Variants in TAF12 observed in about 807,000 individuals in gnomAD.
TAF12 encodes TATA-box binding protein associated factor 12.
A neutral mutation model predicts 20.8 loss-of-function variants in TAF12; 3 were observed. The ratio of observed to expected loss-of-function variants is 0.14; its 90% CI spans 0.07 to 0.37. TAF12 has a LOEUF of 0.37. TAF12 is among the 10% of genes least tolerant of loss of function. TAF12 has a pLI of 1.00. For missense variants in TAF12, 131 were observed against 197.9 expected, an observed-to-expected ratio of 0.66 and a Z score of 2.03; for synonymous variants, 69 against 70.2, an observed-to-expected ratio of 0.98 and a Z score of 0.09.
At chr1:28,611,543 G>A (rs181726311) in intron 4 of TAF12, among the ~76,000 whole-genome samples, 1 of 142,940 alleles carries the variant, frequency 7.0e-6, no homozygotes, top group Admixed American at 6.9e-5. Flanking sequence ...GAAAAGAAGA[G>A]ACACAGAGAC....
intron 1 of TAF12, among the ~76,000 whole-genome samples, chr1:28,632,121 T>G (rs1667650516): frequency 6.6e-6 from 1 of 152,128 alleles, no homozygotes; most frequent in Non-Finnish European, 1.5e-5. Flanking sequence ...TTATGGTATA[T>G]CCATTCAATG....
chr1:28,644,655 T>C (rs1668138587), upstream of TAF12, among the ~76,000 whole-genome samples: 1 of 152,202 alleles, frequency 6.6e-6, no homozygotes, highest in South Asian at 2.1e-4. Context: ...TAGAAGAGAA[T>C]ACTGGAATAA....
intron 1 of TAF12, among the ~76,000 whole-genome samples, chr1:28,637,997 AATTATT>A (rs1292213805): frequency 4.6e-5 from 7 of 151,792 alleles, no homozygotes; most frequent in East Asian, 3.9e-4. Flanking sequence ...TTTTTTGTTT[AATTATT>A]ATTATTATTT....
At chr1:28,637,517 T>A (rs1241204929) in intron 1 of TAF12, among the ~76,000 whole-genome samples, 47 of 151,734 alleles carry the variant, frequency 3.1e-4, no homozygotes, top group Admixed American at 3.1e-3. Context: ...ATACAAAAAA[T>A]AGCCGGGCAT....
At chr1:28,630,295 C>T (rs1667572281) in intron 1 of TAF12, among the ~76,000 whole-genome samples, 1 of 152,120 alleles carries the variant, frequency 6.6e-6, no homozygotes, top group South Asian at 2.1e-4. Context: ...CAGTGGCTCA[C>T]GCCTGTAATT....
chr1:28,603,679 G>A lies in TAF12; in HGVS notation c.451-105C>T, dbSNP rs1412199771. 18 of 1,154,136 alleles carry A rather than the reference G, an allele frequency of 1.6e-5. No homozygotes were observed. The Admixed American group carries it at 2.2e-4, about 14-fold the overall frequency. The allele number at this position is 1,154,136 out of a possible 1,614,324, so 71.5% of individuals were successfully genotyped here. A position where few individuals can be genotyped will look rare whatever the true frequency, so the allele number is the denominator to read the frequency against. ...GGCCTCATGGTCTACACTGTAGGCCGCAGCCCTCAGAGACCTGCAGTCACA... is the reference window on the plus strand; with the variant it reads ...GGCCTCATGGTCTACACTGTAGGCCACAGCCCTCAGAGACCTGCAGTCACA... On this transcript the variant is annotated intron_variant, in intron 5 of 5. Coordinates refer to ENST00000373824, the MANE Select transcript of TAF12 (RefSeq NM_005644.4).
upstream of TAF12, among the ~76,000 whole-genome samples, chr1:28,647,924 C>A (rs894689036): frequency 2.6e-5 from 4 of 151,916 alleles, no homozygotes; most frequent in Non-Finnish European, 4.4e-5. Flanking sequence ...ATCTGAGGTA[C>A]AGTATTTCAT....
At chr1:28,619,948 C>CA (rs879307972) in intron 2 of TAF12, among the ~76,000 whole-genome samples, 175 of 100,944 alleles carry the variant, frequency 1.7e-3, no homozygotes, top group South Asian at 3.5e-3. Flanking sequence ...GACTCTGTCT[C>CA]AAAAAAAAAA....
intron 1 of TAF12, among the ~76,000 whole-genome samples, chr1:28,638,699 T>A (rs1667927673): frequency 6.6e-6 from 1 of 150,900 alleles, no homozygotes; most frequent in Admixed American, 6.6e-5. Context: ...TTGGCCAGGC[T>A]GGTCTCGAAC....
In TAF12 at chr1:28,628,860, G is replaced by A. The variant is rs192940737; in HGVS notation, c.-84-6695C>T. 2.8e-3 allele frequency among the ~76,000 whole-genome samples: 422 copies of A among 152,300 alleles called. 1 individual carries two copies. The highest frequency in any genetic ancestry group is 9.8e-3 in the African/African-American group (409 of 41,570). On this transcript the variant is annotated intron_variant, in intron 1 of 5. Transcript: ENST00000373824. ...GGCCAAGGCAGGCGGATCACCTGAG[G>A]TTGGGAGTTCGAGACCAGCCTGACC... is the stretch of plus-strand genomic sequence containing the variant.
intron 1 of TAF12, among the ~76,000 whole-genome samples, chr1:28,628,530 GTTTC>G (rs1667512148): frequency 6.6e-6 from 1 of 151,872 alleles, no homozygotes; most frequent in African/African-American, 2.4e-5. Flanking sequence ...TGGGTATACG[GTTTC>G]TTTTACGGGA....
intron 1 of TAF12, among the ~76,000 whole-genome samples, chr1:28,632,241 C>T (rs556080227): frequency 6.6e-6 from 1 of 152,234 alleles, no homozygotes; most frequent in South Asian, 2.1e-4. Flanking sequence ...AGTTTGAGAC[C>T]AGCCTGGCCA....
Position 28,603,566 on chromosome 1 carries a change from T to C in TAF12, c.459A>G (p.Ala153=), listed in dbSNP as rs1296670499. 2 of 1,613,788 alleles carry C rather than the reference T, an allele frequency of 1.2e-6. No individual in the cohort carries two copies. The highest frequency in any genetic ancestry group is 8.5e-7 in the Non-Finnish European group (1 of 1,180,038). The change falls in exon 6 of 6, where the codon GCA becomes GCG. Residue 153 remains alanine, a synonymous_variant. Coordinates refer to ENST00000373824, the MANE Select transcript of TAF12 (RefSeq NM_005644.4). The part of the protein sequence containing the change: ...CTTEAHKQRM[A]LIRKTTKK Reference sequence around the variant, plus strand: ...ATTTCTTGGTTGTTTTCCGGATCAATGCCATTCTCTGAAAGGAGAGACAAA... The same window carrying C: ...ATTTCTTGGTTGTTTTCCGGATCAACGCCATTCTCTGAAAGGAGAGACAAA...
At chr1:28,648,154 T>A in intron 1 of TAF12, 2 of 985,334 alleles carry the variant, frequency 2.0e-6, no homozygotes, top group Non-Finnish European at 2.4e-6. Flanking sequence ...AAGTTACACA[T>A]TTTCAATTTG....
At chr1:28,627,490 G>A (rs1570322422) in intron 1 of TAF12, among the ~76,000 whole-genome samples, 1 of 150,964 alleles carries the variant, frequency 6.6e-6, no homozygotes, top group South Asian at 2.1e-4. Flanking sequence ...TCAGGAGATC[G>A]AGACCATCCT....
At chr1:28,614,215 C>T (rs149112075) in intron 3 of TAF12, among the ~76,000 whole-genome samples, 22 of 150,384 alleles carry the variant, frequency 1.5e-4, no homozygotes, top group Middle Eastern at 3.5e-3. Flanking sequence ...TCCAGCCTGG[C>T]GACAGAGCGA....
chr1:28,634,983 T>C (rs1667766515), intron 1 of TAF12, among the ~76,000 whole-genome samples: 2 of 150,920 alleles, frequency 1.3e-5, no homozygotes, highest in South Asian at 2.1e-4. Flanking sequence ...TCCCAGCACT[T>C]TGGGAGGCCG....
intron 1 of TAF12, among the ~76,000 whole-genome samples, chr1:28,629,838 C>T (rs963386037): frequency 2.0e-5 from 3 of 152,140 alleles, no homozygotes; most frequent in African/African-American, 7.2e-5. Flanking sequence ...CGGTGTCTTG[C>T]TATGTTGCCC....
At chr1:28,616,988 T>C (rs6669332) in intron 3 of TAF12, among the ~76,000 whole-genome samples, 150,265 of 151,930 alleles carry the variant, frequency 0.99, 74,316 homozygotes, top group Middle Eastern at 1. Flanking sequence ...GGTGTGGTGG[T>C]GCATGCCTAT....
Sources: allele counts gnomAD v4.1 joint callset (sites outside exome capture counted in the v4.1 genomes callset), GRCh38; gene constraint gnomAD v4.1.1; transcripts MANE v1.5; gene names NCBI Gene and HGNC (gene_info 2026-07-23, HGNC 2026-07-21).